PXDNL: variants seen among roughly 807,000 people sequenced by gnomAD.
PXDNL encodes peroxidasin like.
A neutral mutation model predicts 150.8 loss-of-function variants in PXDNL; 145 were observed. That is an observed-to-expected ratio of 0.96 (90% CI 0.84 to 1.10). The LOEUF (loss-of-function observed/expected upper bound fraction) is 1.10, where lower values mean the gene tolerates loss of function less well. PXDNL is among the 50% of genes least tolerant of loss of function. The probability of loss-of-function intolerance (pLI) is 0.00; values close to 1 mark genes in which losing one functional copy is unlikely to be tolerated. For synonymous variants in PXDNL, 757 were observed against 725.7 expected (o/e 1.04, Z -0.69); for missense variants, 2,087 against 1,873.9 (o/e 1.11, Z -2.10).
intron 3 of PXDNL, among the ~76,000 whole-genome samples, chr8:51,583,434 G>T (rs900127208): frequency 6.6e-6 from 1 of 152,106 alleles, no homozygotes; most frequent in African/African-American, 2.4e-5. Flanking sequence ...GTGTATAGTT[G>T]TTCATAGCAG....
At chr8:51,651,074 T>C (rs527438798) in intron 2 of PXDNL, among the ~76,000 whole-genome samples, 1 of 152,184 alleles carries the variant, frequency 6.6e-6, no homozygotes, top group African/African-American at 2.4e-5. Context: ...CAAAAATCAA[T>C]TGCATTTTAT....
intron 2 of PXDNL, among the ~76,000 whole-genome samples, chr8:51,632,027 GA>G (rs1176059251): frequency 6.6e-6 from 1 of 152,050 alleles, no homozygotes; most frequent in Non-Finnish European, 1.5e-5. Flanking sequence ...TAAATAGATT[GA>G]GTTCTCCAAT....
At chr8:51,450,840 T>C (rs1809790823) in intron 10 of PXDNL, among the ~76,000 whole-genome samples, 1 of 152,136 alleles carries the variant, frequency 6.6e-6, no homozygotes, top group Non-Finnish European at 1.5e-5. Flanking sequence ...TGAATTTCTC[T>C]CGGTCAGAAC....
intron 1 of PXDNL, among the ~76,000 whole-genome samples, chr8:51,746,510 G>A (rs1398084004): frequency 6.6e-6 from 1 of 152,126 alleles, no homozygotes; most frequent in Non-Finnish European, 1.5e-5. Context: ...TCTTTATAAG[G>A]AGGGGAAACT....
At chr8:51,733,844 A>T (rs1289361980) in intron 1 of PXDNL, among the ~76,000 whole-genome samples, 1 of 146,982 alleles carries the variant, frequency 6.8e-6, no homozygotes, top group Admixed American at 6.8e-5. Flanking sequence ...ATTTATATAT[A>T]TATGATATAT....
At chr8:51,594,305 ATT>A (rs141621583) in intron 2 of PXDNL, among the ~76,000 whole-genome samples, 3,760 of 152,326 alleles carry the variant, frequency 0.025, 145 homozygotes, top group African/African-American at 0.086. Flanking sequence ...ACAAAAAACA[ATT>A]TGAGTGACTA....
At chr8:51,461,730 G>A (rs774602769) in intron 8 of PXDNL, among the ~76,000 whole-genome samples, 3 of 152,204 alleles carry the variant, frequency 2.0e-5, no homozygotes, top group African/African-American at 4.8e-5. Context: ...CAGCCTGTCA[G>A]GGCCCCTTTG....
intron 8 of PXDNL, among the ~76,000 whole-genome samples, chr8:51,464,032 A>G (rs1443309029): frequency 6.6e-6 from 1 of 151,952 alleles, no homozygotes; most frequent in Non-Finnish European, 1.5e-5. Flanking sequence ...AAAAAAAAAA[A>G]AACCTAAAAT....
intron 20 of PXDNL, among the ~76,000 whole-genome samples, chr8:51,342,283 A>G (rs1198792063): frequency 6.6e-6 from 1 of 152,056 alleles, no homozygotes; most frequent in Non-Finnish European, 1.5e-5. Flanking sequence ...CAATTAAAAA[A>G]TAGGGGAGGG....
intron 3 of PXDNL, among the ~76,000 whole-genome samples, chr8:51,583,539 A>G (rs1343801714): frequency 6.6e-6 from 1 of 152,076 alleles, no homozygotes; most frequent in Non-Finnish European, 1.5e-5. Flanking sequence ...TTTGACTCCA[A>G]ATGCATAGGA....
At chr8:51,653,137 C>A (rs1815075523) in intron 2 of PXDNL, among the ~76,000 whole-genome samples, 1 of 152,066 alleles carries the variant, frequency 6.6e-6, no homozygotes, top group African/African-American at 2.4e-5. Context: ...TACTCAATAG[C>A]CTGGGCGTGG....
rs1055311268 is a variant in PXDNL at position 51,409,144 on chromosome 8, G to C, written c.2480C>G (p.Ser827Trp). The change falls in exon 17 of 23, where the codon TCG becomes TGG. Residue 827 changes from serine to tryptophan, a missense_variant. Coordinates refer to ENST00000356297, the MANE Select transcript of PXDNL (RefSeq NM_144651.5). ...GACGGAGCTGCACGGCCGCCCATCCGAGAAGCGGGCTGTGCTCAGCGCAGG... is the reference window on the plus strand; with the variant it reads ...GACGGAGCTGCACGGCCGCCCATCCCAGAAGCGGGCTGTGCTCAGCGCAGG... ...TVPALSTARF[S>W]DGRPCSSVCT... The C allele has an allele frequency of 3.7e-6, 6 of 1,603,748 alleles. No individual in the cohort carries two copies. The highest frequency in any genetic ancestry group is 2.7e-5 in the African/African-American group (2 of 74,862).
At chr8:51,382,969 C>A (rs1471972764) in intron 17 of PXDNL, among the ~76,000 whole-genome samples, 5 of 152,162 alleles carry the variant, frequency 3.3e-5, no homozygotes, top group Admixed American at 1.3e-4. Context: ...CTATTCCTAT[C>A]CTTATTGTTC....
intron 3 of PXDNL, among the ~76,000 whole-genome samples, chr8:51,567,048 T>G (rs1369987875): frequency 1.3e-5 from 2 of 151,856 alleles, no homozygotes; most frequent in Non-Finnish European, 2.9e-5. Flanking sequence ...GCATGTTACT[T>G]ATAAATGTGT....
intron 19 of PXDNL, among the ~76,000 whole-genome samples, chr8:51,356,342 A>G (rs1806506758): frequency 6.6e-6 from 1 of 152,084 alleles, no homozygotes; most frequent in African/African-American, 2.4e-5. Flanking sequence ...TACAAAAATT[A>G]GCTTGGTGTG....
intron 4 of PXDNL, among the ~76,000 whole-genome samples, chr8:51,504,580 C>T (rs992241215): frequency 4.6e-5 from 7 of 152,198 alleles, no homozygotes; most frequent in African/African-American, 1.4e-4. Flanking sequence ...GTTATGGGCT[C>T]ACCCAGCATT....
chr8:51,697,352 A>G (rs1816169847), intron 1 of PXDNL, among the ~76,000 whole-genome samples: 1 of 152,074 alleles, frequency 6.6e-6, no homozygotes, highest in African/African-American at 2.4e-5. Context: ...TAAATAAGGA[A>G]ATAGCAAAGG....
intron 1 of PXDNL, among the ~76,000 whole-genome samples, chr8:51,739,875 C>A (rs367579177): frequency 2.3e-3 from 299 of 131,638 alleles, no homozygotes; most frequent in South Asian, 4.6e-3. Context: ...GATTCTGTCT[C>A]AAAAAAAAAA....
At chr8:51,740,858 T>G (rs1399442881) in intron 1 of PXDNL, among the ~76,000 whole-genome samples, 2 of 152,202 alleles carry the variant, frequency 1.3e-5, no homozygotes, top group Non-Finnish European at 2.9e-5. Flanking sequence ...TGGATTTGGT[T>G]TGCCAGTATT....
Sources: allele counts gnomAD v4.1 joint callset (sites outside exome capture counted in the v4.1 genomes callset), GRCh38; gene constraint gnomAD v4.1.1; transcripts MANE v1.5; gene names NCBI Gene and HGNC (gene_info 2026-07-23, HGNC 2026-07-21).